GARIN5B: variants seen among roughly 807,000 people sequenced by gnomAD.
GARIN5B encodes Golgi-associated RAB2 interactor protein 5B.
chr19:55,358,761 T>A, the GARIN5B span: 1 of 1,549,662 alleles, frequency 6.5e-7, no homozygotes, highest in African/African-American at 1.4e-5. Context: ...TTGGCCGTGA[T>A]CATGAGCTTG....
the GARIN5B span, chr19:55,359,828 A>G: frequency 6.4e-7 from 1 of 1,551,470 alleles, no homozygotes; most frequent in Non-Finnish European, 8.7e-7. Context: ...AGAGTCCATG[A>G]GGTCTTCCGT....
chr19:55,362,806 C>G, the GARIN5B span: 1 of 1,487,786 alleles, frequency 6.7e-7, no homozygotes, highest in African/African-American at 1.4e-5. Context: ...CCCTCCTGAT[C>G]GTCCCCCACA....
the GARIN5B span, chr19:55,360,025 A>T: frequency 2.0e-6 from 3 of 1,487,894 alleles, no homozygotes; most frequent in Non-Finnish European, 2.7e-6. Context: ...GGATGCATGG[A>T]GACCCCAGAC....
chr19:55,362,423 C>T, the GARIN5B span: 200 of 1,550,412 alleles, frequency 1.3e-4, no homozygotes, highest in Admixed American at 3.9e-4. Context: ...GTAGTACTGG[C>T]GGCCCGAGAC....
the GARIN5B span, among the ~76,000 whole-genome samples, chr19:55,361,802 TC>T: frequency 0.033 from 3,090 of 92,432 alleles, 826 homozygotes; most frequent in Middle Eastern, 0.068. Context: ...CCCTCCTCCC[TC>T]AGACCCAGGA....
At chr19:55,359,942 C>A in the GARIN5B span, 1 of 1,550,516 alleles carries the variant, frequency 6.4e-7, no homozygotes. Flanking sequence ...AACCACATGT[C>A]CCTGGCCTGT....
the GARIN5B span, chr19:55,359,449 T>G: frequency 1.3e-6 from 2 of 1,545,734 alleles, no homozygotes; most frequent in Non-Finnish European, 1.7e-6. Context: ...CAGGTATGGC[T>G]GGGGCCTTCT....
the GARIN5B span, chr19:55,362,330 G>A: frequency 6.4e-7 from 1 of 1,550,526 alleles, no homozygotes; most frequent in Non-Finnish European, 8.7e-7. Flanking sequence ...CCAGGTGGGA[G>A]CCGGCTCCTG....
chr19:55,356,185 A>G, the GARIN5B span, among the ~76,000 whole-genome samples: 1 of 151,904 alleles, frequency 6.6e-6, no homozygotes, highest in Non-Finnish European at 1.5e-5. Context: ...TAGCCTGGCC[A>G]ACATGGCGAA....
the GARIN5B span, among the ~76,000 whole-genome samples, chr19:55,361,657 C>T: frequency 3.9e-5 from 2 of 51,488 alleles, 1 homozygote; most frequent in Admixed American, 4.3e-4. Flanking sequence ...CCAGCCTCTC[C>T]TCCCTTGACT....
the GARIN5B span, chr19:55,362,846 A>C: frequency 2.0e-6 from 3 of 1,470,130 alleles, no homozygotes; most frequent in Non-Finnish European, 9.1e-7. Flanking sequence ...TTCCCTCTCA[A>C]GATCCCCCAG....
At chr19:55,362,935 G>A in the GARIN5B span, 18 of 1,504,508 alleles carry the variant, frequency 1.2e-5, no homozygotes, top group East Asian at 7.5e-5. Context: ...AGTTACTCTC[G>A]AACATGGGCA....
the GARIN5B span, chr19:55,358,090 T>C: frequency 1.5e-6 from 2 of 1,369,342 alleles, no homozygotes; most frequent in Non-Finnish European, 1.9e-6. Context: ...AGTGATCATC[T>C]CTGTCTCATA....
chr19:55,363,116 G>A, the GARIN5B span: 2 of 1,427,658 alleles, frequency 1.4e-6, no homozygotes, highest in South Asian at 3.1e-5. The surrounding 1 kb of genome is among the most constrained non-coding windows in gnomAD (Gnocchi z 4.0). Context: ...ACCCAGGCGT[G>A]CAGGCCTCCC....
chr19:55,361,163 C>A, the GARIN5B span: 6 of 1,551,114 alleles, frequency 3.9e-6, no homozygotes, highest in Admixed American at 5.9e-5. Context: ...CACACCACCC[C>A]GCCGGCTCAC....
the GARIN5B span, chr19:55,363,241 A>C: frequency 1.7e-6 from 1 of 593,136 alleles, no homozygotes; most frequent in South Asian, 4.0e-5. This position sits in a 1 kb window ranked among gnomAD's most constrained non-coding sequence, Gnocchi z 4.0. Flanking sequence ...TGGCCCTGCC[A>C]GGGTGGACAG....
chr19:55,360,956 C>T, the GARIN5B span: 1 of 1,545,786 alleles, frequency 6.5e-7, no homozygotes, highest in Non-Finnish European at 8.8e-7. Context: ...TGGGGTCTCC[C>T]ACCTTCTCCC....
At chr19:55,362,257 G>T in the GARIN5B span, 21 of 1,534,752 alleles carry the variant, frequency 1.4e-5, no homozygotes, top group Admixed American at 3.2e-4. Flanking sequence ...GCAGGTGCCA[G>T]GTGGAGGCAG....
chr19:55,358,901 G>C, the GARIN5B span: 1 of 1,550,574 alleles, frequency 6.4e-7, no homozygotes, highest in South Asian at 1.2e-5. Context: ...AGGCAGGTCC[G>C]GGGACCTCTC....
Sources: gnomAD v4.1 joint callset for allele counts (sites outside exome capture counted in the v4.1 genomes callset) on GRCh38, gnomAD v4.1.1 for gene constraint, Gnocchi (gnomAD v3.1) non-coding constraint, MANE v1.5 for transcripts, NCBI Gene and HGNC (gene_info 2026-07-23, HGNC 2026-07-21) for gene names.